LTBP4: variants seen among roughly 807,000 people sequenced by gnomAD.
LTBP4 encodes latent-transforming growth factor beta-binding protein 4.
Under a neutral mutation model 180.2 loss-of-function variants are expected in LTBP4, and 93 were observed. That is an observed-to-expected ratio of 0.52 (90% CI 0.44 to 0.61). LTBP4 has a LOEUF of 0.61. Ranked by LOEUF, LTBP4 falls within the 20% of genes least tolerant of loss-of-function variation. LTBP4 has a pLI of 0.00. For synonymous variants in LTBP4, 947 were observed against 934.5 expected, an observed-to-expected ratio of 1.01 and a Z score of -0.24; for missense variants, 2,116 against 2,256.5, an observed-to-expected ratio of 0.94 and a Z score of 1.26.
chr19:40,602,421 G>C (rs1370026139), intron 1 of LTBP4, among the ~76,000 whole-genome samples: 3 of 152,014 alleles, frequency 2.0e-5, no homozygotes, highest in Non-Finnish European at 4.4e-5. Context: ...CTGGGATCGG[G>C]CCTTCCTGCC....
upstream of LTBP4, chr19:40,597,308 C>T: frequency 6.6e-7 from 1 of 1,526,646 alleles, no homozygotes; most frequent in Non-Finnish European, 8.8e-7. Flanking sequence ...GCAGCCGCCA[C>T]CTCCGCCGCC....
rs369033240 is a variant in LTBP4, at chr19:40,605,386, C to T, written c.443-19C>T. 88 of 1,612,206 alleles carry T rather than the reference C, an allele frequency of 5.5e-5. No homozygotes were observed. Among genetic ancestry groups the T allele is most frequent in the Non-Finnish European group, 6.4e-5 (75 of 1,179,556 alleles). On this transcript the variant is annotated intron_variant, in intron 2 of 29. Transcript: ENST00000396819. The surrounding 1 kb of genome is among the most constrained non-coding windows in gnomAD (Gnocchi z 5.5). ...AGAACCCGTGTAGACATCCGTTTGC[C>T]CGGCCGTGCCTCCCCTAGGCGTGGC...
intron 26 of LTBP4, among the ~76,000 whole-genome samples, chr19:40,625,289 TATATATATATATATATATATATA>T (rs2081621870): frequency 3.8e-4 from 4 of 10,456 alleles, no homozygotes; most frequent in South Asian, 3.0e-3. Flanking sequence ...TATATATATA[TATATATATATATATATATATATA>T]TATATTTTTT....
At chr19:40,597,412 C>T (rs1303400541), upstream of LTBP4, 4 of 1,481,548 alleles carry the variant, frequency 2.7e-6, no homozygotes, top group East Asian at 1.1e-4. Context: ...GCCCCTTCCA[C>T]CCAATAAGTC....
intron 11 of LTBP4, 68 bp from the exon 12 acceptor site, chr19:40,610,464 C>G: frequency 6.5e-7 from 1 of 1,528,930 alleles, no homozygotes; most frequent in African/African-American, 1.4e-5. Flanking sequence ...CCCTCTACCC[C>G]TGCCTCCTTG....
In LTBP4 at chr19:40,625,910, C is replaced by T. The variant is rs773099275; in HGVS notation, c.3886C>T (p.His1296Tyr). ...QEVGADLVCS[H>Y]PRLDRQATYT... ...AGTGGGGGCTGACCTCGTGTGCAGC[C>T]ACCCTCGGCTGGACCGTCAGGCCAC... Residue 1296 changes from histidine (H) to tyrosine (Y), a missense_variant, in exon 27 of 30, where the codon CAC becomes TAC. Physicochemically the swap from His to Tyr is moderately conservative, Grantham distance 83. This residue lies in a region of LTBP4 where 488 missense variants were observed against 458.8 expected (regional missense o/e 1.06). Coordinates refer to ENST00000396819, the MANE Select transcript of LTBP4 (RefSeq NM_001042545.2). 1.2e-6 allele frequency: 2 copies of T among 1,602,232 alleles called. No homozygotes were observed. The highest frequency in any genetic ancestry group is 1.1e-5 in the South Asian group (1 of 88,508).
chr19:40,618,216 C>T (rs561014610), intron 21 of LTBP4, among the ~76,000 whole-genome samples: 21 of 151,796 alleles, frequency 1.4e-4, no homozygotes, highest in Non-Finnish European at 2.5e-4. Flanking sequence ...CACAGGCACA[C>T]GCAACCACGC....
In LTBP4 at chr19:40,609,806, C is replaced by T. The variant is rs372453608; in HGVS notation, c.1619C>T (p.Pro540Leu). 1.2e-6 allele frequency: 2 copies of T among 1,608,838 alleles called. No individual in the cohort carries two copies. The highest frequency in any genetic ancestry group is 1.7e-6 in the Non-Finnish European group (2 of 1,177,422). ...PCAPGRCENSPGSFRCVCGPG... is the reference protein window; with the variant it reads ...PCAPGRCENSLGSFRCVCGPG... ...GCTCCCGGGCGCTGCGAGAACTCAC[C>T]AGGCAGCTTCCGCTGCGTGTGCGGC... The change falls in exon 11 of 30, where the codon CCA becomes CTA. Residue 540 changes from proline to leucine, a missense_variant. Physicochemically the swap from Pro to Leu is moderately conservative, Grantham distance 98. Transcript: ENST00000396819. This position sits in a 1 kb window ranked among gnomAD's most constrained non-coding sequence, Gnocchi z 4.9.
chr19:40,625,186 C>A (rs1238058010), intron 26 of LTBP4, among the ~76,000 whole-genome samples: 1 of 144,124 alleles, frequency 6.9e-6, no homozygotes, highest in Non-Finnish European at 1.5e-5. Context: ...AAATGATCCT[C>A]CCACCTCAGA....
chr19:40,627,818 G>C lies in LTBP4; in HGVS notation c.4480G>C (p.Asp1494His). Reference protein sequence around the residue: ...VPEGFTCRCFDGYRLDMTRMA... With the variant: ...VPEGFTCRCFHGYRLDMTRMA... ...CGAAGGCTTCACCTGCCGTTGCTTC[G>C]ACGGCTACCGCCTGGACATGACCCG... Residue 1494 changes from aspartate (D) to histidine (H), a missense_variant, in exon 29 of 30, where the codon GAC becomes CAC. Coordinates refer to ENST00000396819, the MANE Select transcript of LTBP4 (RefSeq NM_001042545.2). 1.3e-6 allele frequency: 2 copies of C among 1,570,366 alleles called. No homozygotes were observed. The highest frequency in any genetic ancestry group is 8.6e-7 in the Non-Finnish European group (1 of 1,163,520).
chr19:40,610,391 C>A, intron 11 of LTBP4, 141 bp from the exon 12 acceptor site: 1 of 984,920 alleles, frequency 1.0e-6, no homozygotes, highest in East Asian at 2.7e-5. Context: ...CTGTGCCCCT[C>A]TCCGGCTGTC....
chr19:40,608,467 T>C lies in LTBP4; in HGVS notation c.1307-17T>C, dbSNP rs1238368038. ...AGAGGATTTGGGCTCCACTCGTTGA[T>C]ACCCCTTCTTTATCAGGCTTTCTGC... On this transcript the variant is annotated splice_polypyrimidine_tract_variant and intron_variant, in intron 8 of 29. Coordinates refer to ENST00000396819, the MANE Select transcript of LTBP4 (RefSeq NM_001042545.2). The C allele has an allele frequency of 1.3e-6, 2 of 1,596,232 alleles. No individual in the cohort carries two copies. The highest frequency in any genetic ancestry group is 8.5e-7 in the Non-Finnish European group (1 of 1,171,674).
intron 4 of LTBP4, 75 bp from the exon 5 acceptor site, chr19:40,606,158 C>T (rs2081459739): frequency 7.6e-7 from 1 of 1,323,542 alleles, no homozygotes; most frequent in Admixed American, 2.0e-5. Context: ...TCCCTCCCAC[C>T]CCGTCTTCGT....
rs10675989 is a variant in LTBP4, at chr19:40,624,239, A to ACTGT, written c.3832+164_3832+167dup. Among the ~76,000 whole-genome samples the ACTGT allele has an allele frequency of 0.49, 74,964 of 151,672 alleles. 20,498 individuals carry two copies. Among genetic ancestry groups the ACTGT allele is most frequent in the African/African-American group, 0.73 (30,345 of 41,304 alleles). On this transcript the variant is annotated intron_variant, in intron 26 of 29. Transcript: ENST00000396819. ...TGAGCCCTCACTCAGTCTCTGTCCC[A>ACTGT]CTGTCTGTCTCTCTGAGGCGAGCTG... is the stretch of plus-strand genomic sequence containing the variant.
At position 40,622,616 on chromosome 19, in the gene LTBP4, G is replaced by A; in HGVS notation, c.3433G>A (p.Glu1145Lys). The A allele has an allele frequency of 4.3e-6, 7 of 1,612,018 alleles. No homozygotes were observed. Among genetic ancestry groups the A allele is most frequent in the Non-Finnish European group, 5.9e-6 (7 of 1,179,018 alleles). The change falls in exon 23 of 30, where the codon GAG becomes AAG. Residue 1145 changes from glutamate (E) to lysine (K), a missense_variant. Glu to Lys is a moderately conservative substitution (Grantham distance 56). Coordinates refer to ENST00000396819, the MANE Select transcript of LTBP4 (RefSeq NM_001042545.2). The surrounding 1 kb of genome is among the most constrained non-coding windows in gnomAD (Gnocchi z 5.1). ...GCAGGAGTGCTGCTGTACTGTGGGTGAGGGCTGGGGCAGCGGCTGCCGCAT... is the reference window on the plus strand; with the variant it reads ...GCAGGAGTGCTGCTGTACTGTGGGTAAGGGCTGGGGCAGCGGCTGCCGCAT... ...TWQECCCTVG[E>K]GWGSGCRIQQ...
chr19:40,600,449 G>A (rs1160076199), upstream of LTBP4, among the ~76,000 whole-genome samples: 2 of 152,232 alleles, frequency 1.3e-5, no homozygotes, highest in East Asian at 3.8e-4. This position sits in a 1 kb window ranked among gnomAD's most constrained non-coding sequence, Gnocchi z 4.4. Flanking sequence ...GGAGGGCGCT[G>A]GCCCGTTAGA....
chr19:40,597,576 T>C (rs1311055739), upstream of LTBP4, among the ~76,000 whole-genome samples: 1 of 151,210 alleles, frequency 6.6e-6, no homozygotes, highest in African/African-American at 2.4e-5. Context: ...GGGGAAAGAG[T>C]CCCCTTTATT....
At chr19:40,625,642 C>T (rs2081628308) in intron 26 of LTBP4, among the ~76,000 whole-genome samples, 1 of 152,168 alleles carries the variant, frequency 6.6e-6, no homozygotes, top group South Asian at 2.1e-4. Flanking sequence ...CATTGGACAC[C>T]TTCTTCTGCC....
rs937451983 is a variant in LTBP4 at position 40,605,598 on chromosome 19, C to T, written c.636C>T (p.Gly212=). The T allele has an allele frequency of 3.8e-6, 6 of 1,599,746 alleles. No individual in the cohort carries two copies. The highest frequency in any genetic ancestry group is 3.5e-5 in the Admixed American group (2 of 57,654). Residue 212 remains glycine, a synonymous_variant, in exon 3 of 30, where the codon GGC becomes GGT. Transcript: ENST00000396819. This position sits in a 1 kb window ranked among gnomAD's most constrained non-coding sequence, Gnocchi z 5.5. ...CACAGAGCGCGCCGCGGGAGGACGG[C>T]TACTCAGATGCCTCGGGCTTCGGTT... ...VLAQSAPRED[G]YSDASGFGYC... is the part of the protein sequence containing the mutation.
Sources: allele counts gnomAD v4.1 joint callset (sites outside exome capture counted in the v4.1 genomes callset), GRCh38; gene constraint gnomAD v4.1.1; regional missense constraint gnomAD v4.1.1; non-coding constraint Gnocchi (gnomAD v3.1); transcripts MANE v1.5; gene names NCBI Gene and HGNC (gene_info 2026-07-23, HGNC 2026-07-21).